The following FAM107B variants were observed in gnomAD, a reference collection of about 807,000 sequenced individuals.
FAM107B encodes the protein family with sequence similarity 107 member B.
FAM107B carries 21 observed loss-of-function variants against 31.5 expected under a neutral mutation model. The ratio of observed to expected loss-of-function variants is 0.67; its 90% CI spans 0.47 to 0.96. The LOEUF is 0.96. Ranked by LOEUF, FAM107B falls within the 40% of genes least tolerant of loss-of-function variation. The pLI is 0.00. For synonymous variants in FAM107B, 157 were observed against 141.5 expected (o/e 1.11, Z -0.78); for missense variants, 452 against 377.1 (o/e 1.20, Z -1.64).
At chr10:14,598,118 C>T (rs976947830) in intron 2 of FAM107B, among the ~76,000 whole-genome samples, 1 of 152,104 alleles carries the variant, frequency 6.6e-6, no homozygotes, top group Non-Finnish European at 1.5e-5. Context: ...TTCCCCATTC[C>T]ACAGGTTGCC....
At chr10:14,772,755 G>A (rs1833336196) in intron 1 of FAM107B, among the ~76,000 whole-genome samples, 1 of 152,142 alleles carries the variant, frequency 6.6e-6, no homozygotes, top group South Asian at 2.1e-4. Flanking sequence ...CTGCCAAGTG[G>A]ACACTAAACA....
chr10:14,692,997 G>A (rs74860720), intron 1 of FAM107B, among the ~76,000 whole-genome samples: 5,244 of 152,230 alleles, frequency 0.034, 308 homozygotes, highest in African/African-American at 0.12. Flanking sequence ...GCAGTGATGC[G>A]GTCAGCCTTC....
At chr10:14,563,731 G>GT (rs1243234139) in intron 2 of FAM107B, among the ~76,000 whole-genome samples, 1 of 152,164 alleles carries the variant, frequency 6.6e-6, no homozygotes, top group African/African-American at 2.4e-5. Context: ...TCCCAATGAT[G>GT]TAACTGTGTG....
At chr10:14,686,011 G>A (rs113088949) in intron 1 of FAM107B, among the ~76,000 whole-genome samples, 44 of 152,226 alleles carry the variant, frequency 2.9e-4, no homozygotes, top group Non-Finnish European at 5.9e-4. Flanking sequence ...ACTACCACGA[G>A]AACCATCTAG....
Position 14,594,509 on chromosome 10 carries a change from A to C in FAM107B, c.470-63994T>G, listed in dbSNP as rs1018102720. Among the ~76,000 whole-genome samples, 12 of 134,002 alleles carry C rather than the reference A, an allele frequency of 9.0e-5. 1 individual carries two copies. Among genetic ancestry groups the C allele is most frequent in the African/African-American group, 3.6e-4 (12 of 33,596 alleles). 87.9% of individuals were successfully genotyped at this position (134,002 alleles called of 152,430 possible). On this transcript the variant is annotated intron_variant, in intron 2 of 4. Coordinates refer to ENST00000181796, the MANE Select transcript of FAM107B (RefSeq NM_031453.4). ...ACAGAGCAAGACCCTGCCAAAAAAA[A>C]AAAAAAAACAAAAAAAAACAAAACT...
At chr10:14,629,278 T>A (rs1311897146) in intron 2 of FAM107B, among the ~76,000 whole-genome samples, 3 of 124,990 alleles carry the variant, frequency 2.4e-5, no homozygotes, top group Non-Finnish European at 3.2e-5. Context: ...AATTTATATA[T>A]ATTATAAATA....
chr10:14,573,840 C>A (rs540906874), intron 2 of FAM107B, among the ~76,000 whole-genome samples: 1 of 151,952 alleles, frequency 6.6e-6, no homozygotes, highest in Non-Finnish European at 1.5e-5. Context: ...ATAAACAATG[C>A]TGTTTGACTC....
At chr10:14,666,284 C>T (rs1201913929) in intron 2 of FAM107B, among the ~76,000 whole-genome samples, 1 of 152,056 alleles carries the variant, frequency 6.6e-6, no homozygotes, top group East Asian at 1.9e-4. Context: ...AGGGAGGACT[C>T]GGGAAACTTA....
intron 2 of FAM107B, among the ~76,000 whole-genome samples, chr10:14,563,913 T>TA (rs898691132): frequency 3.3e-5 from 5 of 152,180 alleles, no homozygotes; most frequent in African/African-American, 1.2e-4. Context: ...GTTTTCACTT[T>TA]AAAAAATCAC....
At chr10:14,618,030 G>T (rs1437862378) in intron 2 of FAM107B, among the ~76,000 whole-genome samples, 1 of 152,034 alleles carries the variant, frequency 6.6e-6, no homozygotes, top group Non-Finnish European at 1.5e-5. Flanking sequence ...ATTATCATAG[G>T]GAATATTTCA....
At chr10:14,544,627 A>G (rs1159137087) in intron 2 of FAM107B, among the ~76,000 whole-genome samples, 3 of 152,236 alleles carry the variant, frequency 2.0e-5, no homozygotes, top group East Asian at 1.9e-4. Context: ...CCTTACCGTG[A>G]AACACCCTTG....
chr10:14,589,133 A>T (rs1851936776), intron 2 of FAM107B, among the ~76,000 whole-genome samples: 1 of 151,374 alleles, frequency 6.6e-6, no homozygotes, highest in African/African-American at 2.4e-5. Flanking sequence ...CCGAGATAAC[A>T]TCACTGCACT....
At chr10:14,527,956 T>G (rs924619758) in intron 3 of FAM107B, 17 of 284,134 alleles carry the variant, frequency 6.0e-5, no homozygotes, top group African/African-American at 3.7e-4. Flanking sequence ...TCTTAAGAGA[T>G]AAGATGAGAT....
At chr10:14,585,017 A>G (rs995625015) in intron 2 of FAM107B, among the ~76,000 whole-genome samples, 9 of 152,102 alleles carry the variant, frequency 5.9e-5, no homozygotes, top group African/African-American at 2.2e-4. Flanking sequence ...GATTCAAATA[A>G]CCAATCAGAC....
At chr10:14,744,220 G>A (rs2131576384) in intron 1 of FAM107B, among the ~76,000 whole-genome samples, 1 of 152,328 alleles carries the variant, frequency 6.6e-6, no homozygotes, top group Middle Eastern at 3.4e-3. Context: ...CTTTGATGAA[G>A]TTGCTTATCA....
At chr10:14,630,593 G>T (rs1382495770) in intron 2 of FAM107B, among the ~76,000 whole-genome samples, 1 of 152,154 alleles carries the variant, frequency 6.6e-6, no homozygotes, top group African/African-American at 2.4e-5. Context: ...GGAGGCTGAG[G>T]TGGGAGGATC....
rs368549570 is a variant in FAM107B, at chr10:14,530,454, G to A, written c.531C>T (p.Ala177=). The A allele has an allele frequency of 5.0e-6, 8 of 1,613,996 alleles. No individual in the cohort carries two copies. Among genetic ancestry groups the A allele is most frequent in the South Asian group, 4.4e-5 (4 of 91,082 alleles). Residue 177 remains alanine (A), a synonymous_variant, in exon 3 of 5, where the codon GCC becomes GCT. Coordinates refer to ENST00000181796, the MANE Select transcript of FAM107B (RefSeq NM_031453.4). Reference sequence around the variant, plus strand: ...TGTCATCTTCTATGTAGTCTGGCTCGGCCATGATGCTTCTTGTAATGAGAT... The same window carrying A: ...TGTCATCTTCTATGTAGTCTGGCTCAGCCATGATGCTTCTTGTAATGAGAT... The part of the protein sequence containing the change: ...DSYLITRSIM[A]EPDYIEDDNP...
chr10:14,627,906 C>G (rs979114005), intron 2 of FAM107B, among the ~76,000 whole-genome samples: 1 of 151,966 alleles, frequency 6.6e-6, no homozygotes, highest in African/African-American at 2.4e-5. Context: ...TTGCCTTAAC[C>G]AGAAGATATA....
At chr10:14,619,347 T>C (rs1463918983) in intron 2 of FAM107B, among the ~76,000 whole-genome samples, 1 of 152,204 alleles carries the variant, frequency 6.6e-6, no homozygotes, top group Non-Finnish European at 1.5e-5. Flanking sequence ...CTATGATCCA[T>C]CAGCAGTCGA....
Sources: allele counts gnomAD v4.1 joint callset (sites outside exome capture counted in the v4.1 genomes callset), GRCh38; gene constraint gnomAD v4.1.1; transcripts MANE v1.5; gene names NCBI Gene and HGNC (gene_info 2026-07-23, HGNC 2026-07-21).